The following RBM27 variants were observed in gnomAD, a reference collection of about 807,000 sequenced individuals.
The protein encoded by RBM27 is RNA-binding protein 27.
RBM27 carries 22 observed loss-of-function variants against 135.3 expected under a neutral mutation model. The ratio of observed to expected loss-of-function variants is 0.16; its 90% CI spans 0.12 to 0.23. The LOEUF is 0.23. RBM27 is among the 10% of genes least tolerant of loss of function. The probability of loss-of-function intolerance (pLI) is 1.00; values close to 1 mark genes in which losing one functional copy is unlikely to be tolerated. For missense variants in RBM27, 1,009 were observed against 1,281.0 expected (o/e 0.79, Z 3.24); for synonymous variants, 481 against 442.4 (o/e 1.09, Z -1.10).
intron 19 of RBM27, among the ~76,000 whole-genome samples, chr5:146,271,955 A>G (rs922157034): frequency 3.3e-5 from 5 of 152,258 alleles, no homozygotes; most frequent in African/African-American, 1.2e-4. Flanking sequence ...AGGCATTTAT[A>G]GTTAATAGTG....
At chr5:146,225,925 C>T (rs1005328039) in intron 3 of RBM27, among the ~76,000 whole-genome samples, 10 of 151,830 alleles carry the variant, frequency 6.6e-5, no homozygotes, top group East Asian at 1.9e-4. Context: ...TGCGGTGGCG[C>T]GATCTCGGCC....
chr5:146,249,803 CTT>C (rs2126813716), intron 8 of RBM27, among the ~76,000 whole-genome samples: 1 of 150,010 alleles, frequency 6.7e-6, no homozygotes, highest in East Asian at 2.0e-4. Flanking sequence ...TCCCCATCAA[CTT>C]TTATTTTAAG....
At chr5:146,260,436 C>T (rs1345293532) in intron 11 of RBM27, among the ~76,000 whole-genome samples, 1 of 152,174 alleles carries the variant, frequency 6.6e-6, no homozygotes, top group African/African-American at 2.4e-5. Context: ...GTTCCCCAGA[C>T]TGGTCTGGAA....
At chr5:146,258,987 C>G (rs892282769) in intron 11 of RBM27, among the ~76,000 whole-genome samples, 1 of 151,902 alleles carries the variant, frequency 6.6e-6, no homozygotes, top group Non-Finnish European at 1.5e-5. Context: ...TCTCAAACTC[C>G]TGACCTCAGG....
At chr5:146,236,370 C>G (rs1010558304) in intron 7 of RBM27, among the ~76,000 whole-genome samples, 4 of 152,190 alleles carry the variant, frequency 2.6e-5, no homozygotes, top group Non-Finnish European at 4.4e-5. Flanking sequence ...AACTTGAATT[C>G]TGTAGAACTT....
chr5:146,273,642 C>T (rs188730512), intron 19 of RBM27, among the ~76,000 whole-genome samples: 12 of 152,116 alleles, frequency 7.9e-5, no homozygotes, highest in Admixed American at 2.0e-4. Flanking sequence ...GGCATTATTG[C>T]GAATAGAGTT....
At chr5:146,235,777 C>T (rs1757133091) in intron 7 of RBM27, among the ~76,000 whole-genome samples, 2 of 151,938 alleles carry the variant, frequency 1.3e-5, no homozygotes, top group Non-Finnish European at 2.9e-5. Flanking sequence ...ACCTCCGCCT[C>T]CCAGGCTTGA....
chr5:146,271,140 C>T, intron 18 of RBM27, 82 bp downstream of exon 18: 1 of 991,974 alleles, frequency 1.0e-6, no homozygotes, highest in East Asian at 2.7e-5. Context: ...GTGGCTCACG[C>T]CTGTAATCTC....
chr5:146,259,979 C>CAAAAAAA (rs34781548), intron 11 of RBM27, among the ~76,000 whole-genome samples: 4 of 35,286 alleles, frequency 1.1e-4, no homozygotes, highest in African/African-American at 5.3e-4. Context: ...GACTCCGTCT[C>CAAAAAAA]AAAAAAAAAA....
At chr5:146,232,459 A>G (rs1236877631) in intron 6 of RBM27, among the ~76,000 whole-genome samples, 1 of 152,118 alleles carries the variant, frequency 6.6e-6, no homozygotes, top group East Asian at 1.9e-4. Context: ...CTAGTATGCT[A>G]CTCATACTTC....
At chr5:146,251,647 A>T in intron 8 of RBM27, 64 bp from the exon 9 acceptor site, 1 of 1,456,870 alleles carries the variant, frequency 6.9e-7, no homozygotes. Context: ...CAGGAAACAC[A>T]TCATCACCTA....
intron 8 of RBM27, among the ~76,000 whole-genome samples, chr5:146,246,775 G>A (rs72806117): frequency 0.028 from 4,204 of 151,728 alleles, 76 homozygotes; most frequent in Non-Finnish European, 0.039. Flanking sequence ...GAATCTTCAT[G>A]TACTTATTTC....
Position 146,286,798 on chromosome 5 carries a change from G to A in RBM27, c.*768G>A, listed in dbSNP as rs1477938953. On this transcript the variant is annotated 3_prime_UTR_variant, in exon 21 of 21. Coordinates refer to ENST00000265271, the MANE Select transcript of RBM27 (RefSeq NM_018989.2). Reference sequence around the variant, plus strand: ...TCTTTTTAAAAATTTTTATAACTCAGAATGTAAAAGGCTTTCACCTATTGC... The same window carrying A: ...TCTTTTTAAAAATTTTTATAACTCAAAATGTAAAAGGCTTTCACCTATTGC... 1.3e-5 allele frequency: 2 copies of A among 152,026 alleles called. No homozygotes were observed. Among genetic ancestry groups the A allele is most frequent in the African/African-American group, 2.4e-5 (1 of 41,404 alleles). The allele number at this position is 152,026 out of a possible 1,614,324, so 9.4% of individuals were successfully genotyped here.
intron 14 of RBM27, among the ~76,000 whole-genome samples, chr5:146,267,336 G>T (rs894006947): frequency 1.6e-4 from 24 of 152,270 alleles, no homozygotes; most frequent in African/African-American, 5.8e-4. Flanking sequence ...TCATATTTTT[G>T]TCTCTGTTCA....
chr5:146,282,871 T>G (rs1759421374), intron 19 of RBM27, among the ~76,000 whole-genome samples: 1 of 152,228 alleles, frequency 6.6e-6, no homozygotes, highest in Admixed American at 6.5e-5. Flanking sequence ...CGTCATAATA[T>G]ATCTTTATTC....
intron 1 of RBM27, among the ~76,000 whole-genome samples, chr5:146,214,717 CTT>C (rs1176697136): frequency 6.6e-6 from 1 of 152,118 alleles, no homozygotes; most frequent in African/African-American, 2.4e-5. Context: ...TTATTTTAGA[CTT>C]ATAATTTTCT....
chr5:146,203,929 G>T (rs1005387580), intron 1 of RBM27, 105 bp downstream of exon 1: 5 of 1,144,732 alleles, frequency 4.4e-6, no homozygotes, highest in Non-Finnish European at 6.0e-6. Flanking sequence ...AGGGGCCGCG[G>T]CCGGGAGGTC....
chr5:146,233,499 T>G lies in RBM27; in HGVS notation c.900T>G (p.Asn300Lys). Residue 300 changes from asparagine (N) to lysine (K), a missense_variant, in exon 7 of 21, where the codon AAT becomes AAG. Around this residue, in one of 6 missense-constraint regions of RBM27, gnomAD observed 16 missense variants for 46.1 expected, o/e 0.35. Transcript: ENST00000265271. The stretch of plus-strand genomic sequence containing the variant: ...ACCTTTGTCAGTTTGATCATGGAAA[T>G]GATCCCCTAGTTGTTGATGAAGTTG... Reference protein sequence around the residue: ...LGDLCQFDHGNDPLVVDEVAL... With the variant: ...LGDLCQFDHGKDPLVVDEVAL... 1 of 1,602,416 alleles carries G rather than the reference T, an allele frequency of 6.2e-7. No homozygotes were observed. The highest frequency in any genetic ancestry group is 8.5e-7 in the Non-Finnish European group (1 of 1,175,338).
At chr5:146,222,329 T>C (rs946144035) in intron 2 of RBM27, among the ~76,000 whole-genome samples, 1 of 152,224 alleles carries the variant, frequency 6.6e-6, no homozygotes, top group South Asian at 2.1e-4. Flanking sequence ...TGTTGTGCTT[T>C]TAATATGCTC....
Sources: allele counts gnomAD v4.1 joint callset (sites outside exome capture counted in the v4.1 genomes callset), GRCh38; gene constraint gnomAD v4.1.1; regional missense constraint gnomAD v4.1.1; transcripts MANE v1.5; gene names NCBI Gene and HGNC (gene_info 2026-07-23, HGNC 2026-07-21).